CHST9: variants seen among roughly 807,000 people sequenced by gnomAD.
CHST9 encodes carbohydrate sulfotransferase 9.
In CHST9, 41 loss-of-function variants were observed where a neutral mutation model predicts 44.4. The ratio of observed to expected loss-of-function variants is 0.92; its 90% CI spans 0.72 to 1.20. The LOEUF (loss-of-function observed/expected upper bound fraction) is 1.20. Among genes scored for constraint, CHST9 ranks in the 50% most tolerant of loss-of-function variants. The probability of loss-of-function intolerance (pLI) is 0.00; values close to 1 mark genes in which losing one functional copy is unlikely to be tolerated. For missense variants in CHST9, 504 were observed against 516.5 expected (o/e 0.98, Z 0.23); for synonymous variants, 171 against 178.4 (o/e 0.96, Z 0.33).
intron 1 of CHST9, among the ~76,000 whole-genome samples, chr18:27,151,421 A>G (rs1336649693): frequency 6.6e-6 from 1 of 152,204 alleles, no homozygotes; most frequent in Non-Finnish European, 1.5e-5. Flanking sequence ...CAGGAATTTG[A>G]CAATGGTGTA....
At chr18:27,163,562 A>T (rs1344240438) in intron 1 of CHST9, among the ~76,000 whole-genome samples, 20 of 152,084 alleles carry the variant, frequency 1.3e-4, no homozygotes, top group Admixed American at 1.3e-3. Context: ...TTCATCTCAG[A>T]CTGCTGTGCT....
intron 2 of CHST9, among the ~76,000 whole-genome samples, chr18:27,089,498 G>C (rs564075821): frequency 7.2e-5 from 11 of 152,166 alleles, no homozygotes; most frequent in African/African-American, 2.7e-4. Context: ...AGTATTCCGT[G>C]GTGTATATGT....
At chr18:27,021,806 A>G (rs1045669627) in intron 4 of CHST9, among the ~76,000 whole-genome samples, 6 of 152,012 alleles carry the variant, frequency 3.9e-5, no homozygotes, top group Admixed American at 3.9e-4. Flanking sequence ...TGTTGTCCTT[A>G]TTTTATTTGA....
Position 27,142,892 on chromosome 18 carries a change from T to G in CHST9, c.-83A>C, listed in dbSNP as rs546096868. 1.5e-5 allele frequency: 19 copies of G among 1,283,808 alleles called. No homozygotes were observed. In the East Asian group the frequency reaches 4.6e-4, roughly 31 times the overall value. The allele number at this position is 1,283,808 out of a possible 1,614,324, so 79.5% of individuals were successfully genotyped here. A position where few individuals can be genotyped will look rare whatever the true frequency, so the allele number is the denominator to read the frequency against. On this transcript the variant is annotated 5_prime_UTR_variant, in exon 2 of 6. Transcript: ENST00000618847. ...CTTTTCTTGTTCTCTAAGAGCCCAA[T>G]TCCATAAAGTAACCTAGAATTTTAA...
intron 2 of CHST9, among the ~76,000 whole-genome samples, chr18:27,133,777 T>C (rs2058491795): frequency 6.6e-6 from 1 of 152,168 alleles, no homozygotes; most frequent in African/African-American, 2.4e-5. Flanking sequence ...AGCTGTACCC[T>C]GAAGGATTCA....
At chr18:27,069,170 A>C (rs1041618379) in intron 2 of CHST9, among the ~76,000 whole-genome samples, 11 of 152,220 alleles carry the variant, frequency 7.2e-5, no homozygotes, top group Non-Finnish European at 1.5e-4. Context: ...GTAACTGTAG[A>C]ATAGATAAAG....
At chr18:26,976,863 TC>T (rs541445160) in intron 4 of CHST9, among the ~76,000 whole-genome samples, 146 of 152,194 alleles carry the variant, frequency 9.6e-4, no homozygotes, top group Non-Finnish European at 1.9e-3. Context: ...AGGAAAAAAA[TC>T]CATCTCCTTG....
chr18:27,117,702 C>G (rs2058340108), intron 2 of CHST9, among the ~76,000 whole-genome samples: 2 of 152,104 alleles, frequency 1.3e-5, no homozygotes, highest in African/African-American at 4.8e-5. Context: ...AAGTTTTCTT[C>G]ATGTCTTTTC....
At chr18:26,938,730 G>A (rs1251348944) in intron 5 of CHST9, among the ~76,000 whole-genome samples, 2 of 152,144 alleles carry the variant, frequency 1.3e-5, no homozygotes, top group Non-Finnish European at 2.9e-5. Context: ...GGACATACAG[G>A]TAAAAAGAAG....
chr18:26,955,336 A>G (rs2056308059), intron 4 of CHST9, among the ~76,000 whole-genome samples: 1 of 151,994 alleles, frequency 6.6e-6, no homozygotes, highest in Non-Finnish European at 1.5e-5. Context: ...TTAATTCTAC[A>G]TAACTTACAA....
Position 27,042,599 on chromosome 18 carries a change from A to G in CHST9, c.160+5866T>C, listed in dbSNP as rs143493454. 1.2e-4 allele frequency among the ~76,000 whole-genome samples: 19 copies of G among 152,202 alleles called. No individual in the cohort carries two copies. In the East Asian group the frequency reaches 3.5e-3, roughly 28 times the overall value. On this transcript the variant is annotated intron_variant, in intron 3 of 5. Transcript: ENST00000618847. ...TAATAAATGGGGCCTAAAGCAAGTAATTTAACCTTCCCAATCTCAGCTTTC... is the reference window on the plus strand; with the variant it reads ...TAATAAATGGGGCCTAAAGCAAGTAGTTTAACCTTCCCAATCTCAGCTTTC...
chr18:27,104,192 T>C (rs2058199916), intron 2 of CHST9, among the ~76,000 whole-genome samples: 1 of 152,110 alleles, frequency 6.6e-6, no homozygotes, highest in Non-Finnish European at 1.5e-5. Flanking sequence ...GTCATTTAAG[T>C]AAATTCTACA....
In CHST9 at chr18:26,914,785, C is replaced by T. The variant is rs1322271627; in HGVS notation, c.*1474G>A. 5.1e-6 allele frequency: 2 copies of T among 394,718 alleles called. No homozygotes were observed. 24.5% of individuals were successfully genotyped at this position (394,718 alleles called of 1,614,324 possible). A position where few individuals can be genotyped will look rare whatever the true frequency, so the allele number is the denominator to read the frequency against. ...GTCTATTAACATTCAACTATTAATA[C>T]CTACTGTTCTTTGAAAGCCATTACT... is the stretch of plus-strand genomic sequence containing the variant. On this transcript the variant is annotated 3_prime_UTR_variant, in exon 6 of 6. Coordinates refer to ENST00000618847, the MANE Select transcript of CHST9 (RefSeq NM_031422.6).
intron 2 of CHST9, among the ~76,000 whole-genome samples, chr18:27,128,932 C>A (rs1567928867): frequency 2.6e-5 from 4 of 152,178 alleles, no homozygotes; most frequent in African/African-American, 9.7e-5. Context: ...CCATTTCTTT[C>A]CATTGAATTC....
chr18:26,978,540 C>T (rs2056652930), intron 4 of CHST9, among the ~76,000 whole-genome samples: 1 of 152,170 alleles, frequency 6.6e-6, no homozygotes, highest in African/African-American at 2.4e-5. Flanking sequence ...CTCACAAACA[C>T]TCGTCTGTTT....
intron 5 of CHST9, 83 bp downstream of exon 5, chr18:26,944,246 C>T: frequency 9.7e-7 from 1 of 1,026,660 alleles, no homozygotes; most frequent in East Asian, 2.4e-5. Flanking sequence ...CTAACATTAC[C>T]CCCTGCCTTT....
intron 2 of CHST9, among the ~76,000 whole-genome samples, chr18:27,100,332 A>T (rs2058159074): frequency 6.6e-6 from 1 of 152,156 alleles, no homozygotes; most frequent in Admixed American, 6.5e-5. Flanking sequence ...GGGTGATGGG[A>T]TCATTTATAC....
At chr18:27,088,405 T>G (rs2058033701) in intron 2 of CHST9, among the ~76,000 whole-genome samples, 1 of 150,220 alleles carries the variant, frequency 6.7e-6, no homozygotes, top group South Asian at 2.1e-4. Context: ...TTTTTTTTTT[T>G]GCTTTTTTGA....
At chr18:27,090,385 A>G (rs917534471) in intron 2 of CHST9, among the ~76,000 whole-genome samples, 2 of 152,014 alleles carry the variant, frequency 1.3e-5, no homozygotes, top group African/African-American at 4.8e-5. Context: ...ATTTTCTCCT[A>G]TTCTCTAGGT....
Sources: gnomAD v4.1 joint callset for allele counts (sites outside exome capture counted in the v4.1 genomes callset) on GRCh38, gnomAD v4.1.1 for gene constraint, MANE v1.5 for transcripts, NCBI Gene and HGNC (gene_info 2026-07-23, HGNC 2026-07-21) for gene names.